CSMD3: variants seen among roughly 807,000 people sequenced by gnomAD.
CSMD3 encodes the protein CUB and sushi domain-containing protein 3.
Under a neutral mutation model 435.2 loss-of-function variants are expected in CSMD3, and 177 were observed. The ratio of observed to expected loss-of-function variants is 0.41; its 90% CI spans 0.36 to 0.46. The LOEUF (loss-of-function observed/expected upper bound fraction) is 0.46. CSMD3 is among the 20% of genes least tolerant of loss of function. The pLI is 0.34. For missense variants in CSMD3, 4,265 were observed against 4,504.6 expected (o/e 0.95, Z 1.52); for synonymous variants, 1,656 against 1,520.5 (o/e 1.09, Z -2.07).
chr8:113,073,253 G>A (rs1021878), intron 5 of CSMD3, among the ~76,000 whole-genome samples: 101,927 of 151,522 alleles, frequency 0.67, 35,897 homozygotes, highest in East Asian at 0.95. Flanking sequence ...GAGCTGACTC[G>A]TTTCTGCACA....
rs536378432 is a variant in CSMD3, at chr8:112,362,168, T to C, written c.6137-9634A>G. On this transcript the variant is annotated intron_variant, in intron 38 of 70. Transcript: ENST00000297405. ...TGCTTTGGTAAACATGCAGATATTT[T>C]TCTGGCTTAAGGTACCTCAGAATCA... is the stretch of plus-strand genomic sequence containing the variant. Among the ~76,000 whole-genome samples, 3 of 152,054 alleles carry C rather than the reference T, an allele frequency of 2.0e-5. No individual in the cohort carries two copies. The East Asian group carries it at 5.8e-4, about 29-fold the overall frequency.
Position 112,379,065 on chromosome 8 carries a change from C to A in CSMD3, c.6136+1287G>T, listed in dbSNP as rs188391612. Among the ~76,000 whole-genome samples the A allele has an allele frequency of 2.6e-3, 400 of 152,014 alleles. 1 individual carries two copies. Among genetic ancestry groups the A allele is most frequent in the Non-Finnish European group, 4.6e-3 (315 of 67,968 alleles). On this transcript the variant is annotated intron_variant, in intron 38 of 70. Coordinates refer to ENST00000297405, the MANE Select transcript of CSMD3 (RefSeq NM_198123.2). ...GTAATTTCTATATACTAAAAATAAA[C>A]TATCCTAAAAGGAAATTAAGGAAAT... is the stretch of plus-strand genomic sequence containing the variant.
At chr8:112,918,685 C>A (rs913742788) in intron 10 of CSMD3, among the ~76,000 whole-genome samples, 4 of 151,818 alleles carry the variant, frequency 2.6e-5, no homozygotes, top group African/African-American at 4.8e-5. Context: ...ATACATAACC[C>A]ATCTATGGAA....
At chr8:112,831,324 CT>C (rs55658194) in intron 11 of CSMD3, among the ~76,000 whole-genome samples, 71,618 of 140,548 alleles carry the variant, frequency 0.51, 17,811 homozygotes, top group East Asian at 0.74. Flanking sequence ...CATTTTCTTT[CT>C]TTTTTTTTTT....
intron 11 of CSMD3, among the ~76,000 whole-genome samples, chr8:112,834,032 A>G (rs926182100): frequency 6.6e-6 from 1 of 151,984 alleles, no homozygotes; most frequent in Non-Finnish European, 1.5e-5. Context: ...AACTCTTGAT[A>G]TCCATTATAG....
intron 3 of CSMD3, among the ~76,000 whole-genome samples, chr8:113,267,403 T>C (rs1383518901): frequency 1.3e-5 from 2 of 151,234 alleles, no homozygotes; most frequent in Non-Finnish European, 3.0e-5. Flanking sequence ...AATGGAATAC[T>C]ATTTGACCAT....
intron 4 of CSMD3, among the ~76,000 whole-genome samples, chr8:113,169,273 C>T (rs1479742737): frequency 6.6e-6 from 1 of 152,074 alleles, no homozygotes; most frequent in Non-Finnish European, 1.5e-5. Flanking sequence ...GCAACAGTTT[C>T]CTCATTAGCC....
chr8:112,676,322 T>C (rs925148806), intron 16 of CSMD3, among the ~76,000 whole-genome samples: 1 of 151,882 alleles, frequency 6.6e-6, no homozygotes, highest in African/African-American at 2.4e-5. Context: ...GCAGAACATA[T>C]CCAAAATGTA....
chr8:112,527,607 CT>C (rs35102404), intron 27 of CSMD3, among the ~76,000 whole-genome samples: 1,807 of 151,460 alleles, frequency 0.012, 40 homozygotes, highest in African/African-American at 0.041. Flanking sequence ...TGGTAATATA[CT>C]TTTTTTTAGG....
intron 9 of CSMD3, among the ~76,000 whole-genome samples, chr8:112,926,112 AG>A (rs1389100235): frequency 2.6e-5 from 4 of 152,222 alleles, no homozygotes; most frequent in African/African-American, 9.6e-5. Flanking sequence ...TGAAATAAGT[AG>A]CCTTTCCAGT....
intron 4 of CSMD3, among the ~76,000 whole-genome samples, chr8:113,135,649 C>A (rs192708610): frequency 1.5e-3 from 235 of 151,722 alleles, no homozygotes; most frequent in African/African-American, 5.5e-3. Flanking sequence ...AATGCTTAGA[C>A]AAAAATAAAG....
At chr8:113,403,177 T>C (rs75619470) in intron 1 of CSMD3, among the ~76,000 whole-genome samples, 2,777 of 151,406 alleles carry the variant, frequency 0.018, 100 homozygotes, top group African/African-American at 0.061. Context: ...TAGTTTTTTA[T>C]ATATATTTTA....
At chr8:113,387,624 G>T (rs183129915) in intron 1 of CSMD3, among the ~76,000 whole-genome samples, 1 of 151,308 alleles carries the variant, frequency 6.6e-6, no homozygotes, top group Non-Finnish European at 1.5e-5. Context: ...TTTAAAAGGA[G>T]AATCCAGAAG....
At chr8:113,050,978 G>A (rs1192145810) in intron 5 of CSMD3, among the ~76,000 whole-genome samples, 1 of 152,030 alleles carries the variant, frequency 6.6e-6, no homozygotes, top group Non-Finnish European at 1.5e-5. Flanking sequence ...CATAACATTT[G>A]GTGGGAGAAG....
chr8:113,373,291 A>T (rs2094358483), intron 1 of CSMD3, among the ~76,000 whole-genome samples: 1 of 152,112 alleles, frequency 6.6e-6, no homozygotes, highest in Non-Finnish European at 1.5e-5. Context: ...TATTTACTCG[A>T]AAAAATAATT....
At chr8:112,373,011 T>C (rs926044811) in intron 38 of CSMD3, among the ~76,000 whole-genome samples, 23 of 128,252 alleles carry the variant, frequency 1.8e-4, no homozygotes, top group Non-Finnish European at 5.0e-5. Flanking sequence ...TAAAAATATA[T>C]ATATATATAT....
chr8:112,866,499 T>C (rs1185702975), intron 10 of CSMD3, among the ~76,000 whole-genome samples: 1 of 152,168 alleles, frequency 6.6e-6, no homozygotes, highest in Non-Finnish European at 1.5e-5. Context: ...ATTTAAACTG[T>C]TTGCTGACAT....
intron 22 of CSMD3, among the ~76,000 whole-genome samples, chr8:112,609,220 A>AAAAAAG: frequency 7.0e-6 from 1 of 143,698 alleles, no homozygotes; most frequent in African/African-American, 2.7e-5. Flanking sequence ...AAAAAAAAAA[A>AAAAAAG]AAAAAAAAAA....
At chr8:112,390,934 T>C (rs1830360116) in intron 35 of CSMD3, 146 bp from the exon 36 acceptor site, 5 of 785,266 alleles carry the variant, frequency 6.4e-6, no homozygotes, top group Admixed American at 2.2e-5. Flanking sequence ...GCAATGAAAA[T>C]GAAGTTTTTG....
Sources: gnomAD v4.1 joint callset for allele counts (sites outside exome capture counted in the v4.1 genomes callset) on GRCh38, gnomAD v4.1.1 for gene constraint, MANE v1.5 for transcripts, NCBI Gene and HGNC (gene_info 2026-07-23, HGNC 2026-07-21) for gene names.